STEAP3: variants seen among roughly 807,000 people sequenced by gnomAD.
STEAP3 encodes the protein STEAP3 metalloreductase.
STEAP3 carries 35 observed loss-of-function variants against 34.9 expected under a neutral mutation model. The ratio of observed to expected loss-of-function variants is 1.00; its 90% CI spans 0.76 to 1.33. The LOEUF is 1.33. Among genes scored for constraint, STEAP3 ranks in the 40% most tolerant of loss-of-function variants. The pLI is 0.00. For synonymous variants in STEAP3, 281 were observed against 301.6 expected, an observed-to-expected ratio of 0.93 and a Z score of 0.71; for missense variants, 652 against 667.6, an observed-to-expected ratio of 0.98 and a Z score of 0.26.
chr2:119,258,607 T>C (rs1433591027), intron 5 of STEAP3, among the ~76,000 whole-genome samples: 2 of 89,064 alleles, frequency 2.2e-5, no homozygotes, highest in East Asian at 4.9e-4. Context: ...ATTTTTTTTT[T>C]TTTTTTTTTT....
chr2:119,250,927 G>T (rs139202795), intron 4 of STEAP3, among the ~76,000 whole-genome samples: 1 of 152,116 alleles, frequency 6.6e-6, no homozygotes, highest in Non-Finnish European at 1.5e-5. Context: ...TCATGCAAAG[G>T]GGCTTAAACT....
chr2:119,235,361 G>A (rs1222704959), intron 2 of STEAP3, among the ~76,000 whole-genome samples: 2 of 152,194 alleles, frequency 1.3e-5, no homozygotes, highest in Non-Finnish European at 1.5e-5. Context: ...CCGTGAGCAG[G>A]GAGGACTTTC....
rs535957536 is a variant in STEAP3 at position 119,229,885 on chromosome 2, C to A, written c.-393-735C>A. On this transcript the variant is annotated intron_variant, in intron 1 of 5. Transcript: ENST00000393110. ...GCCTACAGGCCTGTGTTAGACTCCG[C>A]GGAGATTCAGGAATCTAGCCCTGCC... Among the ~76,000 whole-genome samples, 6 of 134,092 alleles carry A rather than the reference C, an allele frequency of 4.5e-5. No homozygotes were observed. The South Asian group carries it at 6.5e-4, about 15-fold the overall frequency. The allele number at this position is 134,092 out of a possible 152,430, so 88.0% of individuals were successfully genotyped here.
At chr2:119,252,564 A>T (rs906989054) in intron 4 of STEAP3, among the ~76,000 whole-genome samples, 2 of 152,202 alleles carry the variant, frequency 1.3e-5, no homozygotes, top group African/African-American at 4.8e-5. Flanking sequence ...TTGTTGATGA[A>T]CACTCTCCTT....
chr2:119,244,782 G>A (rs1032225386), intron 2 of STEAP3: 1 of 152,140 alleles, frequency 6.6e-6, no homozygotes, highest in Non-Finnish European at 1.5e-5. Flanking sequence ...CATATCTTGG[G>A]CTCAGCAAAG....
intron 2 of STEAP3, among the ~76,000 whole-genome samples, chr2:119,234,185 C>T (rs570011716): frequency 1.2e-4 from 19 of 152,258 alleles, no homozygotes; most frequent in South Asian, 4.1e-4. Context: ...CCTAACCCCA[C>T]GGCTCACCCT....
chr2:119,249,351 T>C (rs2104828828), intron 4 of STEAP3, among the ~76,000 whole-genome samples: 1 of 152,234 alleles, frequency 6.6e-6, no homozygotes, highest in South Asian at 2.1e-4. Context: ...CACAAGCTCA[T>C]GGGGCTTGAT....
intron 4 of STEAP3, among the ~76,000 whole-genome samples, chr2:119,251,797 A>G (rs1677634675): frequency 6.6e-6 from 1 of 151,736 alleles, no homozygotes; most frequent in Non-Finnish European, 1.5e-5. Context: ...TCGGCTTGGA[A>G]CGCCCACCCC....
intron 2 of STEAP3, among the ~76,000 whole-genome samples, chr2:119,238,884 C>A (rs1302031851): frequency 6.6e-6 from 1 of 152,128 alleles, no homozygotes; most frequent in Non-Finnish European, 1.5e-5. Context: ...ATGCACAGAA[C>A]CTCTACAGTG....
At chr2:119,243,846 T>C (rs960193902) in intron 2 of STEAP3, among the ~76,000 whole-genome samples, 1 of 152,134 alleles carries the variant, frequency 6.6e-6, no homozygotes, top group African/African-American at 2.4e-5. Context: ...TTTATGTCAG[T>C]CCCTGGATCC....
chr2:119,239,937 G>A (rs143275569), intron 2 of STEAP3, among the ~76,000 whole-genome samples: 2 of 152,294 alleles, frequency 1.3e-5, no homozygotes, highest in African/African-American at 4.8e-5. Context: ...CTGCATAAGT[G>A]TACATTTTGA....
chr2:119,259,484 T>C (rs1212961258), intron 5 of STEAP3, among the ~76,000 whole-genome samples: 1 of 152,228 alleles, frequency 6.6e-6, no homozygotes, highest in Admixed American at 6.5e-5. Flanking sequence ...GCCCTTGCTA[T>C]GAACCACTGG....
intron 2 of STEAP3, among the ~76,000 whole-genome samples, chr2:119,238,076 G>A (rs10190429): frequency 1.1e-4 from 17 of 152,328 alleles, no homozygotes; most frequent in Middle Eastern, 3.4e-3. Context: ...GTTGATGGAC[G>A]TTTGAATTGT....
intron 2 of STEAP3, chr2:119,244,901 T>A (rs1443325245): frequency 1.3e-5 from 2 of 153,668 alleles, no homozygotes; most frequent in African/African-American, 4.8e-5. Context: ...CAGCAAACAC[T>A]GAGCACTGCC....
chr2:119,258,220 A>G (rs991574339), intron 5 of STEAP3, among the ~76,000 whole-genome samples: 1 of 152,180 alleles, frequency 6.6e-6, no homozygotes, highest in Non-Finnish European at 1.5e-5. Flanking sequence ...CGAATGCATT[A>G]TAATTAGTGT....
chr2:119,257,328 C>A, intron 5 of STEAP3: 1 of 1,230,102 alleles, frequency 8.1e-7, no homozygotes. Flanking sequence ...TAGGCTGAAG[C>A]CAGAGCCCTC....
intron 5 of STEAP3, chr2:119,257,605 C>T (rs1173113946): frequency 2.6e-6 from 4 of 1,512,200 alleles, no homozygotes; most frequent in Non-Finnish European, 3.5e-6. Context: ...CCTGTGTCCA[C>T]CCCATATGGT....
At chr2:119,249,388 C>A (rs537612660) in intron 4 of STEAP3, among the ~76,000 whole-genome samples, 1 of 152,202 alleles carries the variant, frequency 6.6e-6, no homozygotes, top group East Asian at 1.9e-4. Context: ...ACATCTTCAG[C>A]AACACTGTCT....
intron 1 of STEAP3, 48 bp from the exon 2 acceptor site, chr2:119,230,572 G>A (rs924856044): frequency 5.5e-6 from 1 of 182,048 alleles, no homozygotes; most frequent in Non-Finnish European, 1.2e-5. Context: ...AAGAGTAAAC[G>A]CCTCTCTCCC....
Sources: gnomAD v4.1 joint callset for allele counts (sites outside exome capture counted in the v4.1 genomes callset) on GRCh38, gnomAD v4.1.1 for gene constraint, MANE v1.5 for transcripts, NCBI Gene and HGNC (gene_info 2026-07-23, HGNC 2026-07-21) for gene names.